The following MN1 variants were observed in gnomAD, a reference collection of about 807,000 sequenced individuals.
MN1 encodes the protein MN1 proto-oncogene, transcriptional regulator.
Under a neutral mutation model 86.9 loss-of-function variants are expected in MN1, and 19 were observed. The ratio of observed to expected loss-of-function variants is 0.22; its 90% CI spans 0.15 to 0.32. The LOEUF (loss-of-function observed/expected upper bound fraction) is 0.32, where lower values mean the gene tolerates loss of function less well. Ranked by LOEUF, MN1 falls within the 10% of genes least tolerant of loss-of-function variation. The probability of loss-of-function intolerance (pLI) is 1.00; values close to 1 mark genes in which losing one functional copy is unlikely to be tolerated. For missense variants in MN1, 1,841 were observed against 1,862.0 expected (o/e 0.99, Z 0.21); for synonymous variants, 928 against 849.6 (o/e 1.09, Z -1.60).
intron 1 of MN1, among the ~76,000 whole-genome samples, chr22:27,784,449 C>T (rs543007303): frequency 6.6e-6 from 1 of 152,150 alleles, no homozygotes; most frequent in Non-Finnish European, 1.5e-5. Flanking sequence ...AAATCTCAGA[C>T]GCAGAGGAGG....
At chr22:27,792,351 T>TATATATATATATATAA (rs1350212376) in intron 1 of MN1, among the ~76,000 whole-genome samples, 6 of 109,170 alleles carry the variant, frequency 5.5e-5, no homozygotes, top group South Asian at 3.6e-4. Context: ...TATATATATA[T>TATATATATATATATAA]GAATATATAA....
chr22:27,799,929 G>T lies in MN1; in HGVS notation c.615C>A (p.Gly205=), dbSNP rs1054309725. The T allele has an allele frequency of 4.4e-6, 7 of 1,603,438 alleles. No individual in the cohort carries two copies. The highest frequency in any genetic ancestry group is 6.0e-6 in the Non-Finnish European group (7 of 1,175,918). ...QSPNRAASFH[G]LPSSSGSDSH... is the part of the protein sequence containing the mutation. The stretch of plus-strand genomic sequence containing the variant: ...AATCGGAGCCGCTGGAGGACGGCAG[G>T]CCGTGGAAGGAGGCGGCTCGGTTAG... Residue 205 remains glycine, a synonymous_variant, in exon 1 of 2, where the codon GGC becomes GGA. Transcript: ENST00000302326.
intron 1 of MN1, among the ~76,000 whole-genome samples, chr22:27,753,310 A>G (rs1341588891): frequency 6.6e-6 from 1 of 152,220 alleles, no homozygotes; most frequent in Non-Finnish European, 1.5e-5. Context: ...TTGTGACCAA[A>G]GCACGGTCAC....
At position 27,799,631 on chromosome 22, in the gene MN1, GCT is replaced by G; in HGVS notation, c.911_912del (p.Gln304ProfsTer11). 2.6e-6 allele frequency: 4 copies of G among 1,546,852 alleles called. No individual in the cohort carries two copies. Among genetic ancestry groups the G allele is most frequent in the Admixed American group, 2.0e-5 (1 of 50,660 alleles). On this transcript the variant is annotated frameshift_variant, in exon 1 of 2. Coordinates refer to ENST00000302326, the MANE Select transcript of MN1 (RefSeq NM_002430.3). LOFTEE classifies it high-confidence loss of function. ...QQQPQQQQQP[Q>X]QQQQQHGVFF... ...AACACACCATGCTGCTGCTGCTGCT[GCT>G]GGGGCTGCTGCTGCTGCTGGGGCTG...
Position 27,797,802 on chromosome 22 carries a change from G to T in MN1, c.2742C>A (p.Asp914Glu). Residue 914 changes from aspartate to glutamate, a missense_variant, in exon 1 of 2, where the codon GAC (aspartate) becomes GAA (glutamate). Transcript: ENST00000302326. ...TGTAGTTGGGGGAGAGGCTGGTGCCGTCCCCCTGGGCTGGAGGGTTGGGCG... is the reference window on the plus strand; with the variant it reads ...TGTAGTTGGGGGAGAGGCTGGTGCCTTCCCCCTGGGCTGGAGGGTTGGGCG... ...SGPPNPPAQGDGTSLSPNYTL... is the reference protein window; with the variant it reads ...SGPPNPPAQGEGTSLSPNYTL... The T allele has an allele frequency of 6.3e-7, 1 of 1,593,884 alleles. No homozygotes were observed. The highest frequency in any genetic ancestry group is 1.3e-5 in the African/African-American group (1 of 74,756).
chr22:27,783,776 G>C (rs1448002783), intron 1 of MN1, among the ~76,000 whole-genome samples: 3 of 152,182 alleles, frequency 2.0e-5, no homozygotes, highest in African/African-American at 7.2e-5. Context: ...CCACAAGCTT[G>C]TGTTTTAGAT....
intron 1 of MN1, among the ~76,000 whole-genome samples, chr22:27,776,477 G>A (rs953493150): frequency 2.0e-5 from 3 of 152,116 alleles, no homozygotes; most frequent in Admixed American, 1.3e-4. Flanking sequence ...ATAGAATACA[G>A]AGCACAATCC....
chr22:27,761,720 C>T (rs1216680248), intron 1 of MN1, among the ~76,000 whole-genome samples: 2 of 152,194 alleles, frequency 1.3e-5, no homozygotes, highest in Non-Finnish European at 2.9e-5. Flanking sequence ...CTGCAAGGCC[C>T]CCCCGTTCCA....
chr22:27,793,571 GGTAA>G (rs1333413120), intron 1 of MN1, among the ~76,000 whole-genome samples: 1 of 152,102 alleles, frequency 6.6e-6, no homozygotes, highest in African/African-American at 2.4e-5. Context: ...CATGCTCAGA[GGTAA>G]AGTTGCATTA....
At chr22:27,752,419 G>A (rs1408020083) in intron 1 of MN1, among the ~76,000 whole-genome samples, 2 of 152,094 alleles carry the variant, frequency 1.3e-5, no homozygotes, top group African/African-American at 4.8e-5. Context: ...GCCTGGGGTG[G>A]GGGAGTCTAT....
rs45525936 is a variant in MN1, at chr22:27,800,555, G to A, written c.-12C>T. The stretch of plus-strand genomic sequence containing the variant: ...TCCAGCCCAAACATACTTGGCGGGG[G>A]GCAGAGGGGGATCAATAGGGCATGA... On this transcript the variant is annotated 5_prime_UTR_variant, in exon 1 of 2. Transcript: ENST00000302326. The A allele has an allele frequency of 6.8e-6, 11 of 1,613,862 alleles. No homozygotes were observed. In the East Asian group the frequency reaches 1.1e-4, roughly 16 times the overall value.
chr22:27,783,927 G>A (rs1009441710), intron 1 of MN1, among the ~76,000 whole-genome samples: 13 of 152,204 alleles, frequency 8.5e-5, no homozygotes, highest in Admixed American at 2.6e-4. Context: ...GGCGGCCAGT[G>A]CAACAAGCTC....
chr22:27,771,862 C>T (rs894324473), intron 1 of MN1, among the ~76,000 whole-genome samples: 4 of 152,292 alleles, frequency 2.6e-5, no homozygotes, highest in Middle Eastern at 6.8e-3. Flanking sequence ...AGGTAATTTG[C>T]CCAAGGTCCC....
chr22:27,754,632 C>A (rs999543251), intron 1 of MN1, among the ~76,000 whole-genome samples: 1 of 152,240 alleles, frequency 6.6e-6, no homozygotes, highest in Non-Finnish European at 1.5e-5. Context: ...GGACCTAACA[C>A]GCCCTCAGAC....
intron 1 of MN1, among the ~76,000 whole-genome samples, chr22:27,790,378 T>A (rs1003305776): frequency 6.6e-6 from 1 of 152,142 alleles, no homozygotes. Context: ...CATCGGAAGA[T>A]GGCAGGAAAT....
chr22:27,754,029 T>C (rs1395902548), intron 1 of MN1, among the ~76,000 whole-genome samples: 1 of 152,120 alleles, frequency 6.6e-6, no homozygotes, highest in Non-Finnish European at 1.5e-5. Flanking sequence ...AACGTAGCAA[T>C]GCTTGAGCCC....
chr22:27,754,645 C>T (rs1455086742), intron 1 of MN1, among the ~76,000 whole-genome samples: 1 of 152,222 alleles, frequency 6.6e-6, no homozygotes, highest in Non-Finnish European at 1.5e-5. Context: ...CCTCAGACCG[C>T]GGCTCCCCAG....
intron 1 of MN1, among the ~76,000 whole-genome samples, chr22:27,787,533 C>T (rs1294069379): frequency 6.6e-6 from 1 of 152,084 alleles, no homozygotes; most frequent in African/African-American, 2.4e-5. Context: ...CCCCTTTTTG[C>T]CTACCATTCA....
At position 27,797,862 on chromosome 22, in the gene MN1, G is replaced by T; in HGVS notation, c.2682C>A (p.Ser894=). 1 of 1,586,590 alleles carries T rather than the reference G, an allele frequency of 6.3e-7. No homozygotes were observed. Among genetic ancestry groups the T allele is most frequent in the South Asian group, 1.1e-5 (1 of 88,268 alleles). Residue 894 remains serine, a synonymous_variant, in exon 1 of 2, where the codon TCC becomes TCA. Transcript: ENST00000302326. ...APGAPGPGGP[S]GTSSSGSKAS... ...CTTTGGAGCCGCTGCTACTGGTCCC[G>T]GACGGGCCTCCGGGTCCTGGGGCCC...
Sources: gnomAD v4.1 joint callset for allele counts (sites outside exome capture counted in the v4.1 genomes callset) on GRCh38, gnomAD v4.1.1 for gene constraint, MANE v1.5 for transcripts, NCBI Gene and HGNC (gene_info 2026-07-23, HGNC 2026-07-21) for gene names.